TNC: variants seen among roughly 807,000 people sequenced by gnomAD.
TNC encodes the protein tenascin.
A neutral mutation model predicts 202.4 loss-of-function variants in TNC; 109 were observed. The observed-to-expected ratio is 0.54, with a 90% CI of 0.46 to 0.63. The LOEUF is 0.63. Ranked by LOEUF, TNC falls within the 30% of genes least tolerant of loss-of-function variation. TNC has a pLI of 0.00. For synonymous variants in TNC, 1,007 were observed against 1,089.7 expected (o/e 0.92, Z 1.50); for missense variants, 2,756 against 2,833.3 (o/e 0.97, Z 0.62).
chr9:115,043,515 T>A (rs1385897240), intron 17 of TNC, among the ~76,000 whole-genome samples: 1 of 152,142 alleles, frequency 6.6e-6, no homozygotes, highest in East Asian at 1.9e-4. Context: ...AGTTTCTCCA[T>A]CTGTCCAGAG....
rs2225330 is a variant in TNC, at chr9:115,074,121, G to A, written c.2951-255C>T. 0.27 allele frequency among the ~76,000 whole-genome samples: 40,973 copies of A among 152,052 alleles called. 5,875 individuals carry two copies. The highest frequency in any genetic ancestry group is 0.37 in the African/African-American group (15,133 of 41,436). ...TGGAATATCCATTCCATAAAATGCT[G>A]CTCAGATTTAAAGCAGTTAAAAGGA... On this transcript the variant is annotated intron_variant, in intron 9 of 27. Coordinates refer to ENST00000350763, the MANE Select transcript of TNC (RefSeq NM_002160.4).
At chr9:115,094,399 G>T (rs550295628) in intron 1 of TNC, among the ~76,000 whole-genome samples, 45 of 152,228 alleles carry the variant, frequency 3.0e-4, no homozygotes, top group Middle Eastern at 3.4e-3. Flanking sequence ...ATGAGAGAGG[G>T]AAAAAATAGG....
chr9:115,025,078 C>T (rs563116441), intron 26 of TNC, among the ~76,000 whole-genome samples: 1 of 152,232 alleles, frequency 6.6e-6, no homozygotes, highest in East Asian at 1.9e-4. Context: ...CCAAATCACA[C>T]AAGAAAATGC....
intron 15 of TNC, chr9:115,052,893 A>G: frequency 1.4e-6 from 1 of 702,742 alleles, no homozygotes; most frequent in Non-Finnish European, 2.6e-6. Context: ...TCATGCAGTG[A>G]GTGAGCGTCA....
At position 115,086,998 on chromosome 9, in the gene TNC, C is replaced by A. The variant is rs758673269; in HGVS notation, c.733G>T (p.Ala245Ser). 6.2e-7 allele frequency: 1 copy of A among 1,613,564 alleles called. No homozygotes were observed. The highest frequency in any genetic ancestry group is 1.7e-5 in the Admixed American group (1 of 59,970). ...VCICFEGYAG[A>S]DCSREICPVP... ...GGGCAGATTTCACGGCTGCAGTCAG[C>A]CCCGGCGTAGCCTTCGAAACAGATG... The change falls in exon 3 of 28, where the codon GCT becomes TCT. Residue 245 changes from alanine (A) to serine (S), a missense_variant. By Grantham distance (99) the Ala-to-Ser change is moderately conservative. Coordinates refer to ENST00000350763, the MANE Select transcript of TNC (RefSeq NM_002160.4).
At chr9:115,097,097 T>A (rs1835853813) in intron 1 of TNC, among the ~76,000 whole-genome samples, 1 of 152,244 alleles carries the variant, frequency 6.6e-6, no homozygotes, top group Non-Finnish European at 1.5e-5. Flanking sequence ...TCTAAACATT[T>A]CCATTAATGA....
chr9:115,081,457 G>A (rs1834296926), intron 6 of TNC, among the ~76,000 whole-genome samples: 1 of 152,152 alleles, frequency 6.6e-6, no homozygotes, highest in African/African-American at 2.4e-5. Flanking sequence ...AACAGGACCA[G>A]CATCCTGGAG....
chr9:115,110,008 C>G (rs1379688984), intron 1 of TNC, among the ~76,000 whole-genome samples: 2 of 151,886 alleles, frequency 1.3e-5, no homozygotes, highest in Non-Finnish European at 2.9e-5. Context: ...ACTATATTGT[C>G]AAGAGGGGCA....
chr9:115,093,339 A>G (rs543911794), intron 1 of TNC, among the ~76,000 whole-genome samples: 1 of 152,320 alleles, frequency 6.6e-6, no homozygotes, highest in East Asian at 1.9e-4. Flanking sequence ...CAACAAAAAC[A>G]AAGAAACAAA....
intron 1 of TNC, among the ~76,000 whole-genome samples, chr9:115,100,098 G>A (rs1321892023): frequency 6.6e-6 from 1 of 152,206 alleles, no homozygotes; most frequent in Non-Finnish European, 1.5e-5. Context: ...TGTCCATGCT[G>A]CTGAGCCAGG....
intron 15 of TNC, among the ~76,000 whole-genome samples, chr9:115,051,735 A>G (rs1488233024): frequency 6.6e-6 from 1 of 152,048 alleles, no homozygotes; most frequent in East Asian, 1.9e-4. Flanking sequence ...ATTTATGAAC[A>G]GGATTTCGAT....
Position 115,086,385 on chromosome 9 carries a change from C to T in TNC, c.1346G>A (p.Cys449Tyr). ...CTCACATACACATTTGCCCTCGACACAGCGGCCCCGACTGTGACAGTCATT... is the reference window on the plus strand; with the variant it reads ...CTCACATACACATTTGCCCTCGACATAGCGGCCCCGACTGTGACAGTCATT... ...CPNDCHSRGR[C>Y]VEGKCVCEQG... The change falls in exon 3 of 28, where the codon TGT (cysteine) becomes TAT (tyrosine). Residue 449 changes from cysteine (C) to tyrosine (Y), a missense_variant. Cys to Tyr is a radical substitution (Grantham distance 194). Around this residue, in one of 2 missense-constraint regions of TNC, gnomAD observed 2,559 missense variants for 2,546.0 expected, o/e 1.01. Coordinates refer to ENST00000350763, the MANE Select transcript of TNC (RefSeq NM_002160.4). 1 of 1,614,152 alleles carries T rather than the reference C, an allele frequency of 6.2e-7. No individual in the cohort carries two copies. The highest frequency in any genetic ancestry group is 8.5e-7 in the Non-Finnish European group (1 of 1,179,996).
chr9:115,086,607 T>C lies in TNC; in HGVS notation c.1124A>G (p.Lys375Arg). 6.2e-7 allele frequency: 1 copy of C among 1,613,944 alleles called. No individual in the cohort carries two copies. The change falls in exon 3 of 28, where the codon AAG (lysine) becomes AGG (arginine). Residue 375 changes from lysine to arginine, a missense_variant. Coordinates refer to ENST00000350763, the MANE Select transcript of TNC (RefSeq NM_002160.4). ...EGFAGVDCSEKRCPADCHNRG... is the reference protein window; with the variant it reads ...EGFAGVDCSERRCPADCHNRG... ...ATTGTGACAGTCAGCAGGACACCTC[T>C]TCTCGCTGCAGTCCACACCGGCAAA...
intron 9 of TNC, among the ~76,000 whole-genome samples, chr9:115,074,930 C>G (rs1435257796): frequency 6.6e-6 from 1 of 152,102 alleles, no homozygotes; most frequent in Admixed American, 6.5e-5. Context: ...TTGGGGGAAC[C>G]TGGGTGATGG....
chr9:115,042,072 G>T, intron 18 of TNC, 147 bp downstream of exon 18: 1 of 1,279,284 alleles, frequency 7.8e-7, no homozygotes, highest in Non-Finnish European at 1.1e-6. Context: ...TTACAAATGA[G>T]TTCTCTTCTC....
At chr9:115,079,983 G>T (rs958378357) in intron 6 of TNC, among the ~76,000 whole-genome samples, 1 of 152,168 alleles carries the variant, frequency 6.6e-6, no homozygotes, top group Non-Finnish European at 1.5e-5. Context: ...AATTGTGGCC[G>T]GCCGTGGCGG....
chr9:115,111,399 C>CTCTTTTTTTTTTTTTTTTTTTTT (rs1174066886), intron 1 of TNC, among the ~76,000 whole-genome samples: 1 of 71,360 alleles, frequency 1.4e-5, no homozygotes, highest in African/African-American at 6.0e-5. Flanking sequence ...CTCTCTCTCT[C>CTCTTTTTTTTTTTTTTTTTTTTT]TTTTTTTTTT....
chr9:115,118,060 T>TC lies in TNC; in HGVS notation c.-216dup, dbSNP rs1837602951. The TC allele has an allele frequency of 6.6e-6, 1 of 151,190 alleles. No individual in the cohort carries two copies. The highest frequency in any genetic ancestry group is 1.5e-5 in the Non-Finnish European group (1 of 67,772). The allele number at this position is 151,190 out of a possible 1,614,324, so 9.4% of individuals were successfully genotyped here. The stretch of plus-strand genomic sequence containing the variant: ...GCTGCGGCGGTTCCCACGTGCGCGT[T>TC]CCCCCGAGTTCCCCAGCAGCGCTGC... On this transcript the variant is annotated 5_prime_UTR_variant, in exon 1 of 28. Transcript: ENST00000350763.
At chr9:115,096,353 C>T (rs1465175522) in intron 1 of TNC, among the ~76,000 whole-genome samples, 1 of 152,166 alleles carries the variant, frequency 6.6e-6, no homozygotes, top group Non-Finnish European at 1.5e-5. Flanking sequence ...AATCTCATTG[C>T]TCAGTTGTAT....
Sources: gnomAD v4.1 joint callset for allele counts (sites outside exome capture counted in the v4.1 genomes callset) on GRCh38, gnomAD v4.1.1 for gene constraint, gnomAD v4.1.1 regional missense constraint, MANE v1.5 for transcripts, NCBI Gene and HGNC (gene_info 2026-07-23, HGNC 2026-07-21) for gene names.